The following GOSR2 variants were observed in gnomAD, a reference collection of about 807,000 sequenced individuals.
The protein encoded by GOSR2 is 27 kDa Golgi SNARE protein.
In GOSR2, 20 loss-of-function variants were observed where a neutral mutation model predicts 27.9. That is an observed-to-expected ratio of 0.72 (90% confidence interval 0.50 to 1.04). The LOEUF is 1.04. Among genes scored for constraint, GOSR2 ranks in the 50% least tolerant of loss-of-function variants. GOSR2 has a pLI of 0.00. For missense variants in GOSR2, 261 were observed against 270.5 expected (o/e 0.97, Z 0.25); for synonymous variants, 91 against 98.8 (o/e 0.92, Z 0.47).
intron 6 of GOSR2, among the ~76,000 whole-genome samples, chr17:46,962,108 A>G (rs1236094752): frequency 6.6e-6 from 1 of 152,174 alleles, no homozygotes; most frequent in Non-Finnish European, 1.5e-5. Context: ...CGGGCAGATC[A>G]TGAAGTCAGA....
chr17:46,941,250 G>C lies in GOSR2; in HGVS notation c.*2490G>C. On this transcript the variant is annotated 3_prime_UTR_variant, in exon 6 of 6. Coordinates refer to ENST00000640051, the MANE Select transcript of GOSR2 (RefSeq NM_004287.5). Reference sequence around the variant, plus strand: ...TTTTTAGACTTCACTGCGGAGTTCTGTACACCCTTTGCCCTGATGAATTTG... The same window carrying C: ...TTTTTAGACTTCACTGCGGAGTTCTCTACACCCTTTGCCCTGATGAATTTG... 1.0e-6 allele frequency: 1 copy of C among 991,970 alleles called. No homozygotes were observed. The allele number at this position is 991,970 out of a possible 1,614,324, so 61.4% of individuals were successfully genotyped here.
Position 46,939,363 on chromosome 17 carries a change from A to G in GOSR2, c.*603A>G. 2.0e-6 allele frequency: 2 copies of G among 1,002,624 alleles called. No homozygotes were observed. Among genetic ancestry groups the G allele is most frequent in the Non-Finnish European group, 2.4e-6 (2 of 838,286 alleles). 62.1% of individuals were successfully genotyped at this position (1,002,624 alleles called of 1,614,324 possible). ...GAAACAAGATGTAGTGCTATTGCCG[A>G]TAACAAGTAAGATTTTCCACACTAC... On this transcript the variant is annotated 3_prime_UTR_variant, in exon 6 of 6. Coordinates refer to ENST00000640051, the MANE Select transcript of GOSR2 (RefSeq NM_004287.5).
downstream of GOSR2, among the ~76,000 whole-genome samples, chr17:46,967,792 A>C (rs1157334239): frequency 6.6e-6 from 1 of 152,180 alleles, no homozygotes; most frequent in Non-Finnish European, 1.5e-5. Context: ...GTTCTGGGCA[A>C]ATCACCTTGG....
At chr17:46,926,366 T>C (rs2086495872) in intron 1 of GOSR2, among the ~76,000 whole-genome samples, 1 of 152,186 alleles carries the variant, frequency 6.6e-6, no homozygotes, top group Non-Finnish European at 1.5e-5. Flanking sequence ...GTGGATGTTA[T>C]GGGGTGGTGG....
intron 1 of GOSR2, among the ~76,000 whole-genome samples, chr17:46,928,720 G>A (rs1410214760): frequency 2.0e-5 from 3 of 152,154 alleles, no homozygotes; most frequent in Non-Finnish European, 4.4e-5. Flanking sequence ...CCTCCAGTGA[G>A]TCACTTCAGC....
downstream of GOSR2, among the ~76,000 whole-genome samples, chr17:46,945,411 G>A (rs942809973): frequency 3.3e-5 from 5 of 152,164 alleles, no homozygotes; most frequent in Non-Finnish European, 5.9e-5. Flanking sequence ...GAGGTGCAAC[G>A]TAGTGTGATG....
chr17:46,932,245 TG>T, intron 4 of GOSR2, 46 bp downstream of exon 4: 2 of 1,611,024 alleles, frequency 1.2e-6, no homozygotes, highest in East Asian at 2.2e-5. Flanking sequence ...TGACAGATCG[TG>T]GGGGCTGGAG....
chr17:46,975,451 C>G (rs2091438418), exon 7 of GOSR2: 1 of 152,442 alleles, frequency 6.6e-6, no homozygotes, highest in Non-Finnish European at 1.5e-5. Flanking sequence ...CCCTGGAGCA[C>G]TGTTCCTCAT....
chr17:46,937,049 G>A (rs1385717948), intron 5 of GOSR2: 2 of 153,940 alleles, frequency 1.3e-5, no homozygotes, highest in African/African-American at 4.8e-5. Flanking sequence ...GAGTGACTTG[G>A]GGTCTGCCCC....
chr17:46,934,555 C>G (rs1005298707), intron 4 of GOSR2, among the ~76,000 whole-genome samples: 2 of 152,148 alleles, frequency 1.3e-5, no homozygotes, highest in African/African-American at 4.8e-5. Flanking sequence ...ACAGCCTCCT[C>G]TATCCTTAGT....
At chr17:46,927,433 T>G (rs1376091510) in intron 1 of GOSR2, among the ~76,000 whole-genome samples, 1 of 152,192 alleles carries the variant, frequency 6.6e-6, no homozygotes, top group Admixed American at 6.5e-5. Flanking sequence ...GTGGGTAGTT[T>G]TTGGATTTTG....
chr17:46,923,211 C>CA lies in GOSR2; in HGVS notation c.22dup (p.Thr8AsnfsTer54), dbSNP rs746855352. 1.0e-4 allele frequency: 155 copies of CA among 1,550,004 alleles called. No individual in the cohort carries two copies. The highest frequency in any genetic ancestry group is 1.3e-4 in the Non-Finnish European group (152 of 1,145,696). ...CGGCGACATGGATCCCCTGTTCCAG[C>CA]AAACGCACAAGTGAGGGCCGGTCGG... On this transcript the variant is annotated frameshift_variant, in exon 1 of 6. Transcript: ENST00000640051. LOFTEE classifies it high-confidence loss of function.
chr17:46,969,858 C>T (rs377696861), downstream of GOSR2, among the ~76,000 whole-genome samples: 11 of 152,290 alleles, frequency 7.2e-5, no homozygotes, highest in South Asian at 1.5e-3. Flanking sequence ...TTACCTTTCG[C>T]GATCCCCTTG....
At position 46,923,877 on chromosome 17, in the gene GOSR2, A is replaced by G. The variant is rs181861582; in HGVS notation, c.29+656A>G. 156 of 392,954 alleles carry G rather than the reference A, an allele frequency of 4.0e-4. 1 individual carries two copies. The East Asian group carries it at 4.0e-3, about 10-fold the overall frequency. 24.3% of individuals were successfully genotyped at this position (392,954 alleles called of 1,614,324 possible). A position where few individuals can be genotyped will look rare whatever the true frequency, so the allele number is the denominator to read the frequency against. On this transcript the variant is annotated intron_variant, in intron 1 of 5. Transcript: ENST00000640051. ...TGCTGAGATACGTAGTTGAGTATTA[A>G]TGGGGCCATACTTACCCTATTTTTG...
In GOSR2 at chr17:46,941,545, A is replaced by C. The variant is rs2147097664; in HGVS notation, c.*2785A>C. 1 of 323,362 alleles carries C rather than the reference A, an allele frequency of 3.1e-6. No homozygotes were observed. Among genetic ancestry groups the C allele is most frequent in the South Asian group, 1.2e-4 (1 of 8,116 alleles). 20.0% of individuals were successfully genotyped at this position (323,362 alleles called of 1,614,324 possible). On this transcript the variant is annotated 3_prime_UTR_variant, in exon 6 of 6. Transcript: ENST00000640051. ...CTGGGGCCTACCCCAGATCTGAATT[A>C]GAACCTTTTTTAAATCTCTAAGGTG... is the stretch of plus-strand genomic sequence containing the variant.
chr17:46,952,438 A>T (rs573730024), intron 6 of GOSR2, among the ~76,000 whole-genome samples: 5 of 152,096 alleles, frequency 3.3e-5, no homozygotes, highest in African/African-American at 1.2e-4. Flanking sequence ...CACTAGCTAC[A>T]CGCCACTTTT....
chr17:46,972,694 T>C (rs2091405165), intron 6 of GOSR2, among the ~76,000 whole-genome samples: 1 of 152,204 alleles, frequency 6.6e-6, no homozygotes, highest in Non-Finnish European at 1.5e-5. Flanking sequence ...ACAGCTGCTC[T>C]GTAGCCCCAA....
At chr17:46,947,292 G>GGTGGGCT (rs2089983253) in intron 6 of GOSR2, among the ~76,000 whole-genome samples, 1 of 152,200 alleles carries the variant, frequency 6.6e-6, no homozygotes, top group African/African-American at 2.4e-5. Flanking sequence ...GAGAGGTCGT[G>GGTGGGCT]GTGGGCTGTG....
intron 6 of GOSR2, among the ~76,000 whole-genome samples, chr17:46,963,316 G>A (rs1022559717): frequency 1.4e-4 from 22 of 152,184 alleles, no homozygotes; most frequent in South Asian, 2.1e-4. Flanking sequence ...AGGCCAAGGC[G>A]GGTGGATCAC....
Sources: gnomAD v4.1 joint callset for allele counts (sites outside exome capture counted in the v4.1 genomes callset) on GRCh38, gnomAD v4.1.1 for gene constraint, MANE v1.5 for transcripts, NCBI Gene and HGNC (gene_info 2026-07-23, HGNC 2026-07-21) for gene names.